PDCL2: variants seen among roughly 807,000 people sequenced by gnomAD.
The protein encoded by PDCL2 is phosducin like 2, also known as phosducin-like protein 2.
Under a neutral mutation model 30.3 loss-of-function variants are expected in PDCL2, and 23 were observed. That is an observed-to-expected ratio of 0.76 (90% CI 0.55 to 1.08). PDCL2 has a LOEUF of 1.08. Among genes scored for constraint, PDCL2 ranks in the 50% least tolerant of loss-of-function variants. PDCL2 has a pLI of 0.00. For synonymous variants in PDCL2, 68 were observed against 86.2 expected, an observed-to-expected ratio of 0.79 and a Z score of 1.17; for missense variants, 243 against 282.3, an observed-to-expected ratio of 0.86 and a Z score of 1.00.
chr4:55,585,299 G>T (rs1198058081), intron 1 of PDCL2, among the ~76,000 whole-genome samples: 1 of 152,128 alleles, frequency 6.6e-6, no homozygotes, highest in African/African-American at 2.4e-5. Flanking sequence ...AGGCCGAGGT[G>T]GGTAGATCAC....
At chr4:55,576,210 C>A (rs543972227) in intron 3 of PDCL2, among the ~76,000 whole-genome samples, 1 of 152,066 alleles carries the variant, frequency 6.6e-6, no homozygotes, top group African/African-American at 2.4e-5. Context: ...TCACACCTAG[C>A]CTCCTGAGTA....
rs563866215 is a variant in PDCL2, at chr4:55,559,430, T to C, written c.572-2719A>G. On this transcript the variant is annotated intron_variant, in intron 5 of 5. Transcript: ENST00000295645. ...AGATAAAGTTATTGAATCAGACATA[T>C]ATGAAATAAGAGATTCTGAATACTA... Among the ~76,000 whole-genome samples, 16 of 152,290 alleles carry C rather than the reference T, an allele frequency of 1.1e-4. No homozygotes were observed. The East Asian group carries it at 3.1e-3, about 29-fold the overall frequency.
chr4:55,572,754 TTTC>T (rs969725693), intron 3 of PDCL2, among the ~76,000 whole-genome samples: 71 of 151,790 alleles, frequency 4.7e-4, no homozygotes, highest in African/African-American at 1.5e-3. Flanking sequence ...GCTTTGTGTG[TTTC>T]TTCTTCTTCT....
At chr4:55,590,423 C>T (rs1302746085) in intron 1 of PDCL2, among the ~76,000 whole-genome samples, 1 of 144,914 alleles carries the variant, frequency 6.9e-6, no homozygotes, top group East Asian at 2.1e-4. Flanking sequence ...CATGTCACTG[C>T]ACTCCAGGCT....
chr4:55,588,949 C>G (rs1732931148), intron 1 of PDCL2, among the ~76,000 whole-genome samples: 1 of 151,862 alleles, frequency 6.6e-6, no homozygotes, highest in Non-Finnish European at 1.5e-5. Context: ...GCTCTGCCTC[C>G]TGGGTTCATG....
At chr4:55,580,134 A>C (rs1732674381) in intron 3 of PDCL2, among the ~76,000 whole-genome samples, 1 of 152,176 alleles carries the variant, frequency 6.6e-6, no homozygotes, top group Non-Finnish European at 1.5e-5. Context: ...AGCATGAGCC[A>C]CTGTGCCTGG....
intron 5 of PDCL2, among the ~76,000 whole-genome samples, chr4:55,562,177 G>A (rs183743189): frequency 6.6e-6 from 1 of 152,236 alleles, no homozygotes; most frequent in East Asian, 1.9e-4. Flanking sequence ...AGATTCTAAA[G>A]GAGAAGATTC....
intron 1 of PDCL2, among the ~76,000 whole-genome samples, chr4:55,583,550 G>T (rs1341744896): frequency 6.6e-6 from 1 of 152,000 alleles, no homozygotes; most frequent in African/African-American, 2.4e-5. Context: ...CACAATTTCA[G>T]GTCTTATATT....
At chr4:55,581,203 G>A (rs979072113) in intron 2 of PDCL2, among the ~76,000 whole-genome samples, 29 of 152,062 alleles carry the variant, frequency 1.9e-4, no homozygotes, top group African/African-American at 7.0e-4. Flanking sequence ...GCTGAGGCAG[G>A]AGAATCACTT....
intron 4 of PDCL2, among the ~76,000 whole-genome samples, chr4:55,568,412 G>C (rs1732326504): frequency 6.6e-6 from 1 of 152,186 alleles, no homozygotes; most frequent in African/African-American, 2.4e-5. Context: ...CAGGGAAATT[G>C]TTCTATTAGA....
At chr4:55,582,926 G>C (rs772952633) in intron 1 of PDCL2, among the ~76,000 whole-genome samples, 1 of 152,034 alleles carries the variant, frequency 6.6e-6, no homozygotes, top group Non-Finnish European at 1.5e-5. Context: ...TCCCTACAGA[G>C]GACATGAACT....
At chr4:55,571,483 C>T (rs569360231) in intron 3 of PDCL2, among the ~76,000 whole-genome samples, 3 of 149,608 alleles carry the variant, frequency 2.0e-5, no homozygotes, top group Admixed American at 6.8e-5. Context: ...GGCAGGAGAT[C>T]GAGACCATCC....
chr4:55,568,981 A>G (rs2110157132), intron 4 of PDCL2, among the ~76,000 whole-genome samples: 1 of 152,190 alleles, frequency 6.6e-6, no homozygotes, highest in African/African-American at 2.4e-5. Flanking sequence ...AAGCTCAAAG[A>G]CCCTTTCTGT....
chr4:55,569,722 A>T lies in PDCL2; in HGVS notation c.358T>A (p.Ser120Thr). ...DVWVIIHLYR[S>T]SIPMCLLVNQ... ...TTGAAATATTATGGTAATTACCTTG[A>T]TCTGTATAGATGAATTATAACCCAC... The change falls in exon 4 of 6, where the codon TCA becomes ACA. Residue 120 changes from serine (S) to threonine (T), a missense_variant. By Grantham distance (58) the Ser-to-Thr change is moderately conservative. Coordinates refer to ENST00000295645, the MANE Select transcript of PDCL2 (RefSeq NM_152401.3). 6.5e-7 allele frequency: 1 copy of T among 1,534,252 alleles called. No homozygotes were observed. The highest frequency in any genetic ancestry group is 8.8e-7 in the Non-Finnish European group (1 of 1,140,344).
chr4:55,567,563 A>G (rs1186993367), intron 4 of PDCL2, among the ~76,000 whole-genome samples: 1 of 151,496 alleles, frequency 6.6e-6, no homozygotes, highest in Non-Finnish European at 1.5e-5. Flanking sequence ...ATCACAACCT[A>G]CTCCCTCCTT....
chr4:55,571,977 A>G (rs1206654133), intron 3 of PDCL2, among the ~76,000 whole-genome samples: 5 of 152,032 alleles, frequency 3.3e-5, no homozygotes, highest in African/African-American at 1.2e-4. Context: ...GCTTAATATC[A>G]TTCAGAAATT....
intron 4 of PDCL2, 113 bp downstream of exon 4, chr4:55,569,605 A>G (rs1732367106): frequency 1.7e-6 from 1 of 602,700 alleles, no homozygotes; most frequent in African/African-American, 1.9e-5. Flanking sequence ...TATGTGTGCA[A>G]TATATAGTTG....
chr4:55,579,951 G>C (rs528246170), intron 3 of PDCL2, among the ~76,000 whole-genome samples: 1 of 151,858 alleles, frequency 6.6e-6, no homozygotes, highest in Non-Finnish European at 1.5e-5. Context: ...GGGTTCAAGC[G>C]ATTCTCCTGC....
chr4:55,589,397 C>T (rs1229645411), intron 1 of PDCL2, among the ~76,000 whole-genome samples: 1 of 152,150 alleles, frequency 6.6e-6, no homozygotes, highest in Non-Finnish European at 1.5e-5. Context: ...TTTGAGAGCA[C>T]TACAATATAT....
Sources: gnomAD v4.1 joint callset for allele counts (sites outside exome capture counted in the v4.1 genomes callset) on GRCh38, gnomAD v4.1.1 for gene constraint, MANE v1.5 for transcripts, NCBI Gene and HGNC (gene_info 2026-07-23, HGNC 2026-07-21) for gene names.